Variants in PDZD4 observed in about 807,000 individuals in gnomAD.
PDZD4 encodes the protein PDZ domain-containing protein 4.
A neutral mutation model predicts 38.5 loss-of-function variants in PDZD4; 9 were observed. The observed-to-expected ratio is 0.23, with a 90% CI of 0.14 to 0.41. PDZD4 has a LOEUF of 0.41. Ranked by LOEUF, PDZD4 falls within the 10% of genes least tolerant of loss-of-function variation. PDZD4 has a pLI of 1.00. For missense variants in PDZD4, 612 were observed against 722.0 expected, an observed-to-expected ratio of 0.85 and a Z score of 1.75; for synonymous variants, 349 against 315.7, an observed-to-expected ratio of 1.11 and a Z score of -1.12.
chrX:153,809,013 C>T (rs2064283201), intron 1 of PDZD4, among the ~76,000 whole-genome samples: 1 of 112,850 alleles, frequency 8.9e-6, no homozygotes, highest in Non-Finnish European at 1.9e-5. Flanking sequence ...ATGACTGGAC[C>T]ATAACAGCCA....
At chrX:153,806,710 G>C (rs781923162) in intron 4 of PDZD4, 32 bp downstream of exon 4, 1 of 1,179,657 alleles carries the variant, frequency 8.5e-7, no homozygotes, top group Non-Finnish European at 1.2e-6. Flanking sequence ...ATGTGGATGG[G>C]CCTCGGGGCT....
Position 153,804,026 on chromosome X carries a change from CCGCGCTCCTCCG to C in PDZD4, c.1643_1654del (p.Ala548_Arg551del). On this transcript the variant is annotated inframe_deletion, in exon 8 of 8. Transcript: ENST00000393758. ...CAACCCCGTCTTGGGGTTGCGGCGGCCGCGCTCCTCCGCGTGCTGCCTCCGGCCGGCCTCAGG... is the reference window on the plus strand; with the variant it reads ...CAACCCCGTCTTGGGGTTGCGGCGGCCGTGCTGCCTCCGGCCGGCCTCAGG... The C allele has an allele frequency of 1.7e-6, 2 of 1,156,541 alleles. No homozygotes were observed. Among genetic ancestry groups the C allele is most frequent in the Non-Finnish European group, 2.3e-6 (2 of 870,221 alleles).
intron 1 of PDZD4, among the ~76,000 whole-genome samples, chrX:153,827,506 T>C (rs868953169): frequency 1.8e-5 from 2 of 112,724 alleles, no homozygotes; most frequent in South Asian, 3.7e-4. Flanking sequence ...TGGATAAATA[T>C]GTTGTATATC....
At chrX:153,823,119 C>T (rs1477919256) in intron 1 of PDZD4, among the ~76,000 whole-genome samples, 3 of 109,964 alleles carry the variant, frequency 2.7e-5, no homozygotes, top group Non-Finnish European at 3.8e-5. Flanking sequence ...AGTGCAGTGG[C>T]TTGATCTTGG....
At chrX:153,826,106 A>G (rs1194538947) in intron 1 of PDZD4, among the ~76,000 whole-genome samples, 4 of 108,654 alleles carry the variant, frequency 3.7e-5, no homozygotes, top group Non-Finnish European at 5.7e-5. Flanking sequence ...AATCCTAGCT[A>G]CATGGGAAGC....
rs376310213 is a variant in PDZD4, at chrX:153,806,776, T to C, written c.470A>G (p.Asp157Gly). The change falls in exon 4 of 8, where the codon GAC becomes GGC. Residue 157 changes from aspartate to glycine, a missense_variant. By Grantham distance (94) the Asp-to-Gly change is moderately conservative. This residue lies in a region of PDZD4 where 225 missense variants were observed against 311.0 expected (regional missense o/e 0.72). Coordinates refer to ENST00000393758, the MANE Select transcript of PDZD4 (RefSeq NM_001303512.2). ...KLGLMVCYRT[D>G]DEEDLGIYVG... The stretch of plus-strand genomic sequence containing the variant: ...ATAAATGCCCAGGTCCTCCTCGTCG[T>C]CCGTGCGGTAGCAAACCATCAGGCC... 1.7e-6 allele frequency: 2 copies of C among 1,208,739 alleles called. No individual in the cohort carries two copies. The highest frequency in any genetic ancestry group is 3.5e-5 in the African/African-American group (2 of 56,778).
intron 1 of PDZD4, among the ~76,000 whole-genome samples, chrX:153,809,769 A>G (rs782192096): frequency 8.8e-6 from 1 of 113,079 alleles, no homozygotes; most frequent in Admixed American, 9.3e-5. Flanking sequence ...AGTCAAGGTC[A>G]TGAGCCAGGA....
intron 1 of PDZD4, among the ~76,000 whole-genome samples, chrX:153,825,676 C>T (rs2064473949): frequency 8.9e-6 from 1 of 112,399 alleles, no homozygotes; most frequent in Non-Finnish European, 1.9e-5. Context: ...GTGGTCATCT[C>T]ACTAGCCACA....
rs1557075675 is a variant in PDZD4, at chrX:153,803,984, C to T, written c.1697G>A (p.Gly566Asp). The T allele has an allele frequency of 6.0e-6, 7 of 1,158,800 alleles. No homozygotes were observed. The highest frequency in any genetic ancestry group is 1.9e-5 in the South Asian group (1 of 51,490). ...CGAGAGGTAAGGGCTGCTTTCAGGGCCCACACGCTCCAGGGTCAACCCCGT... is the reference window on the plus strand; with the variant it reads ...CGAGAGGTAAGGGCTGCTTTCAGGGTCCACACGCTCCAGGGTCAACCCCGT... ...PKTGLTLERV[G>D]PESSPYLSRR... The change falls in exon 8 of 8, where the codon GGC becomes GAC. Residue 566 changes from glycine to aspartate, a missense_variant. Physicochemically the swap from Gly to Asp is moderately conservative, Grantham distance 94 (BLOSUM62 -1). This residue lies in a region of PDZD4 where 300 missense variants were observed against 284.6 expected (regional missense o/e 1.05). Coordinates refer to ENST00000393758, the MANE Select transcript of PDZD4 (RefSeq NM_001303512.2).
intron 1 of PDZD4, among the ~76,000 whole-genome samples, chrX:153,817,144 C>G (rs1328493038): frequency 9.0e-6 from 1 of 111,286 alleles, no homozygotes; most frequent in Non-Finnish European, 1.9e-5. Flanking sequence ...CGCCTTGCTG[C>G]TGGGCATGTA....
chrX:153,814,906 C>T (rs1219039163), intron 1 of PDZD4, among the ~76,000 whole-genome samples: 1 of 112,200 alleles, frequency 8.9e-6, no homozygotes, highest in Non-Finnish European at 1.9e-5. Context: ...TCACAAAGAC[C>T]CCTCCTCCAT....
intron 1 of PDZD4, among the ~76,000 whole-genome samples, chrX:153,825,101 G>A (rs1272137983): frequency 1.8e-5 from 2 of 112,908 alleles, no homozygotes; most frequent in Admixed American, 1.9e-4. Flanking sequence ...ATGGCTGCCA[G>A]CACCATGGGG....
intron 1 of PDZD4, among the ~76,000 whole-genome samples, chrX:153,810,999 A>T (rs1469897176): frequency 8.9e-6 from 1 of 112,129 alleles, no homozygotes; most frequent in African/African-American, 3.2e-5. Flanking sequence ...GTTGAGATGG[A>T]GTCTTGCTCT....
At chrX:153,809,369 G>A (rs1379632979) in intron 1 of PDZD4, among the ~76,000 whole-genome samples, 6 of 112,527 alleles carry the variant, frequency 5.3e-5, no homozygotes, top group Non-Finnish European at 7.5e-5. Context: ...GGCAGATCAC[G>A]AGGTCAGGAG....
intron 1 of PDZD4, among the ~76,000 whole-genome samples, chrX:153,826,500 T>A (rs956248712): frequency 9.1e-6 from 1 of 109,792 alleles, no homozygotes; most frequent in African/African-American, 3.3e-5. Context: ...CCTCTGCCTC[T>A]GGGGTTCATG....
chrX:153,813,321 C>T, intron 1 of PDZD4, among the ~76,000 whole-genome samples: 1 of 111,685 alleles, frequency 9.0e-6, no homozygotes, highest in South Asian at 3.7e-4. Flanking sequence ...ACACAAACAA[C>T]TCAAGAAGAA....
intron 1 of PDZD4, among the ~76,000 whole-genome samples, chrX:153,828,495 T>C (rs1481968635): frequency 8.9e-6 from 1 of 112,308 alleles, no homozygotes; most frequent in Non-Finnish European, 1.9e-5. Flanking sequence ...GTCCCTTCCA[T>C]GAAGGAGAGC....
At chrX:153,825,326 G>A (rs1379367572) in intron 1 of PDZD4, among the ~76,000 whole-genome samples, 3 of 112,285 alleles carry the variant, frequency 2.7e-5, no homozygotes, top group African/African-American at 9.7e-5. Context: ...ATGCTAGCAA[G>A]CACATCATGG....
Position 153,806,887 on chromosome X carries a change from A to G in PDZD4, c.406-47T>C, listed in dbSNP as rs782038828. The stretch of plus-strand genomic sequence containing the variant: ...GAAGCAGAGGTAGAAAGCCCCAGAA[A>G]TGCGTGAGTGAGGGAGCAGGCAGCA... On this transcript the variant is annotated intron_variant, in intron 3 of 7. Transcript: ENST00000393758. The G allele has an allele frequency of 5.6e-6, 6 of 1,064,769 alleles. No individual in the cohort carries two copies. In the Admixed American group the frequency reaches 1.1e-4, roughly 20 times the overall value. The allele number at this position is 1,064,769 out of a possible 1,213,427, so 87.7% of individuals were successfully genotyped here.
Sources: gnomAD v4.1 joint callset for allele counts (sites outside exome capture counted in the v4.1 genomes callset) on GRCh38, gnomAD v4.1.1 for gene constraint, gnomAD v4.1.1 regional missense constraint, MANE v1.5 for transcripts, NCBI Gene and HGNC (gene_info 2026-07-23, HGNC 2026-07-21) for gene names.